The following PLGRKT variants were observed in gnomAD, a reference collection of about 807,000 sequenced individuals.
The protein encoded by PLGRKT is plasminogen receptor (KT).
PLGRKT carries 22 observed loss-of-function variants against 18.5 expected under a neutral mutation model. The observed-to-expected ratio is 1.19, with a 90% CI of 0.85 to 1.70. The LOEUF is 1.70. PLGRKT is among the 40% of genes most tolerant of loss of function. The probability of loss-of-function intolerance (pLI) is 0.00; values close to 1 mark genes in which losing one functional copy is unlikely to be tolerated. For synonymous variants in PLGRKT, 72 were observed against 52.8 expected, an observed-to-expected ratio of 1.36 and a Z score of -1.58; for missense variants, 235 against 174.4, an observed-to-expected ratio of 1.35 and a Z score of -1.96.
intron 3 of PLGRKT, among the ~76,000 whole-genome samples, chr9:5,403,387 C>G (rs1243254554): frequency 6.6e-6 from 1 of 152,066 alleles, no homozygotes; most frequent in Non-Finnish European, 1.5e-5. Flanking sequence ...CCACTCCTGG[C>G]TAATTTTCTG....
intron 3 of PLGRKT, among the ~76,000 whole-genome samples, chr9:5,420,701 A>T (rs1203317057): frequency 6.6e-6 from 1 of 152,116 alleles, no homozygotes; most frequent in Non-Finnish European, 1.5e-5. Context: ...CCCTACAAAG[A>T]TTGTGCTGCT....
intron 3 of PLGRKT, among the ~76,000 whole-genome samples, chr9:5,419,158 C>T (rs931076068): frequency 1.3e-5 from 2 of 152,148 alleles, no homozygotes; most frequent in South Asian, 2.1e-4. Context: ...GAGCCAGCAG[C>T]GGGGCACATC....
At chr9:5,383,670 G>A (rs896573128) in intron 3 of PLGRKT, among the ~76,000 whole-genome samples, 2 of 152,204 alleles carry the variant, frequency 1.3e-5, no homozygotes, top group South Asian at 2.1e-4. Flanking sequence ...TTCTCATAAG[G>A]AGCATGCAAC....
chr9:5,369,284 C>A (rs879209764), intron 3 of PLGRKT, among the ~76,000 whole-genome samples: 3 of 151,214 alleles, frequency 2.0e-5, no homozygotes, highest in South Asian at 2.1e-4. Context: ...AAAAAGTGGG[C>A]GAATAGACAC....
At chr9:5,376,268 AG>A (rs1280902282) in intron 3 of PLGRKT, among the ~76,000 whole-genome samples, 5 of 152,120 alleles carry the variant, frequency 3.3e-5, no homozygotes, top group Admixed American at 3.3e-4. Flanking sequence ...CTGGAGATGG[AG>A]GGTGGTGATG....
Position 5,359,071 on chromosome 9 carries a change from T to A in PLGRKT, c.323-711A>T, listed in dbSNP as rs986074461. Among the ~76,000 whole-genome samples, 382 of 152,098 alleles carry A rather than the reference T, an allele frequency of 2.5e-3. 3 individuals are homozygous for A. Among genetic ancestry groups the A allele is most frequent in the South Asian group, 9.8e-3 (47 of 4,820 alleles). Reference sequence around the variant, plus strand: ...CTTTTAACACACTATTTTATTTTTTTTTTTTTTTTGAGACAGTGTCTAGCT... The same window carrying A: ...CTTTTAACACACTATTTTATTTTTTATTTTTTTTTGAGACAGTGTCTAGCT... On this transcript the variant is annotated intron_variant, in intron 5 of 5. Transcript: ENST00000223864.
At chr9:5,382,957 C>T (rs1476427304) in intron 3 of PLGRKT, among the ~76,000 whole-genome samples, 1 of 152,158 alleles carries the variant, frequency 6.6e-6, no homozygotes, top group Non-Finnish European at 1.5e-5. Context: ...AAGGTAGGTC[C>T]ACATCCTAAC....
intron 3 of PLGRKT, among the ~76,000 whole-genome samples, chr9:5,409,863 A>T (rs1318751048): frequency 1.3e-5 from 2 of 152,206 alleles, no homozygotes; most frequent in African/African-American, 4.8e-5. Context: ...GTATCTTGGA[A>T]TACCTCCAAT....
rs539474467 is a variant in PLGRKT at position 5,393,762 on chromosome 9, C to A, written c.82-31874G>T. On this transcript the variant is annotated intron_variant, in intron 3 of 5. Coordinates refer to ENST00000223864, the MANE Select transcript of PLGRKT (RefSeq NM_018465.4). ...GCTACCTCAAAGAATTAAGTAATTT[C>A]TTTCTAACAATATTTAACCATTTGC... is the stretch of plus-strand genomic sequence containing the variant. 1.3e-4 allele frequency among the ~76,000 whole-genome samples: 19 copies of A among 151,938 alleles called. No individual in the cohort carries two copies. The Middle Eastern group carries it at 0.017, about 136-fold the overall frequency.
At chr9:5,400,102 G>T (rs1414799320) in intron 3 of PLGRKT, among the ~76,000 whole-genome samples, 2 of 151,792 alleles carry the variant, frequency 1.3e-5, no homozygotes, top group Non-Finnish European at 2.9e-5. Flanking sequence ...CAAAATTTGT[G>T]GGTAGATTAG....
intron 5 of PLGRKT, among the ~76,000 whole-genome samples, chr9:5,358,844 A>C (rs1033682895): frequency 1.3e-5 from 2 of 152,246 alleles, no homozygotes; most frequent in African/African-American, 4.8e-5. Context: ...ATACATACAA[A>C]TATACATATA....
rs1351696688 is a variant in PLGRKT at position 5,418,886 on chromosome 9, GCTTGCAATCCAGCAA to G, written c.81+12996_81+13010del. ...TGGAGGCAAACTGAACAGCAGGTGTGCTTGCAATCCAGCAACTTGGCCTTCACTAGGGGCTGCAGT... is the reference window on the plus strand; with the variant it reads ...TGGAGGCAAACTGAACAGCAGGTGTGCTTGGCCTTCACTAGGGGCTGCAGT... On this transcript the variant is annotated intron_variant, in intron 3 of 5. Coordinates refer to ENST00000223864, the MANE Select transcript of PLGRKT (RefSeq NM_018465.4). This position sits in a 1 kb window ranked among gnomAD's most constrained non-coding sequence, Gnocchi z 4.2. The G allele has an allele frequency of 1.0e-6, 1 of 995,244 alleles. No homozygotes were observed. Among genetic ancestry groups the G allele is most frequent in the African/African-American group, 1.6e-5 (1 of 62,440 alleles). 61.7% of individuals were successfully genotyped at this position (995,244 alleles called of 1,614,324 possible). A position where few individuals can be genotyped will look rare whatever the true frequency, so the allele number is the denominator to read the frequency against.
intron 3 of PLGRKT, among the ~76,000 whole-genome samples, chr9:5,365,293 A>T (rs376012191): frequency 8.5e-5 from 13 of 152,210 alleles, no homozygotes; most frequent in East Asian, 3.8e-4. Flanking sequence ...AATCTGAAAG[A>T]GCTCCTAATG....
intron 3 of PLGRKT, among the ~76,000 whole-genome samples, chr9:5,424,204 TATATGTA>T (rs1390617655): frequency 7.2e-6 from 1 of 137,972 alleles, no homozygotes; most frequent in Non-Finnish European, 1.5e-5. Flanking sequence ...TAATACATAA[TATATGTA>T]ATATGTAATA....
At chr9:5,398,241 G>A (rs934572219) in intron 3 of PLGRKT, among the ~76,000 whole-genome samples, 1 of 151,792 alleles carries the variant, frequency 6.6e-6, no homozygotes, top group African/African-American at 2.4e-5. Context: ...CTCCAGCAGT[G>A]CTTTACTGCT....
In PLGRKT at chr9:5,361,869, A is replaced by C. The variant is rs1237674350; in HGVS notation, c.101T>G (p.Met34Arg). ...ARLQLERQLI[M>R]QSEMRERQMA... The stretch of plus-strand genomic sequence containing the variant: ...TTGTCTTTCCCTCATTTCACTCTGC[A>C]TGATGAGCTGCCTTTCCAGCTAAGG... Residue 34 changes from methionine (M) to arginine (R), a missense_variant, in exon 4 of 6, where the codon ATG becomes AGG. Physicochemically the swap from Met to Arg is moderately conservative, Grantham distance 91 (BLOSUM62 -1). Coordinates refer to ENST00000223864, the MANE Select transcript of PLGRKT (RefSeq NM_018465.4). 1.2e-6 allele frequency: 2 copies of C among 1,613,022 alleles called. No homozygotes were observed. The highest frequency in any genetic ancestry group is 3.3e-5 in the Admixed American group (2 of 59,882).
chr9:5,387,527 A>G (rs1817866873), intron 3 of PLGRKT, among the ~76,000 whole-genome samples: 5 of 151,962 alleles, frequency 3.3e-5, no homozygotes, highest in Admixed American at 3.3e-4. Context: ...GTAATGTTGA[A>G]TTAAGAAAAC....
intron 3 of PLGRKT, among the ~76,000 whole-genome samples, chr9:5,409,634 G>C (rs923541399): frequency 2.0e-5 from 3 of 152,216 alleles, no homozygotes; most frequent in Non-Finnish European, 4.4e-5. Flanking sequence ...AGCAGTTGTG[G>C]GGGCTGAACC....
intron 3 of PLGRKT, among the ~76,000 whole-genome samples, chr9:5,365,303 G>A (rs960888219): frequency 6.6e-6 from 1 of 152,166 alleles, no homozygotes; most frequent in East Asian, 1.9e-4. Flanking sequence ...AGCTCCTAAT[G>A]TCCAAAGCTG....
Sources: gnomAD v4.1 joint callset for allele counts (sites outside exome capture counted in the v4.1 genomes callset) on GRCh38, gnomAD v4.1.1 for gene constraint, Gnocchi (gnomAD v3.1) non-coding constraint, MANE v1.5 for transcripts, NCBI Gene and HGNC (gene_info 2026-07-23, HGNC 2026-07-21) for gene names.